The following ANK3 variants were observed in gnomAD, a reference collection of about 807,000 sequenced individuals.
ANK3 encodes the protein ankyrin 3.
In ANK3, 57 loss-of-function variants were observed where a neutral mutation model predicts 370.9. That is an observed-to-expected ratio of 0.15 (90% CI 0.12 to 0.19). The LOEUF (loss-of-function observed/expected upper bound fraction) is 0.19, where lower values mean the gene tolerates loss of function less well. Ranked by LOEUF, ANK3 falls within the 10% of genes least tolerant of loss-of-function variation. ANK3 has a pLI of 1.00. For missense variants in ANK3, 4,439 were observed against 5,302.1 expected (o/e 0.84, Z 5.06); for synonymous variants, 1,929 against 1,946.3 (o/e 0.99, Z 0.23).
chr10:60,483,845 G>A (rs551501196), intron 2 of ANK3, among the ~76,000 whole-genome samples: 1 of 152,224 alleles, frequency 6.6e-6, no homozygotes, highest in East Asian at 1.9e-4. Flanking sequence ...TTTATTCTTA[G>A]GTCACAAAGG....
At chr10:60,482,898 G>C (rs1360246645) in intron 2 of ANK3, among the ~76,000 whole-genome samples, 1 of 152,062 alleles carries the variant, frequency 6.6e-6, no homozygotes, top group Admixed American at 6.6e-5. Context: ...AGAAATAAAA[G>C]ACAACAGATT....
intron 43 of ANK3, among the ~76,000 whole-genome samples, chr10:60,042,282 G>C (rs574613916): frequency 6.6e-6 from 1 of 152,276 alleles, no homozygotes; most frequent in African/African-American, 2.4e-5. Flanking sequence ...TGCTAAAATG[G>C]TGAAAGTCTG....
intron 2 of ANK3, among the ~76,000 whole-genome samples, chr10:60,601,505 C>T (rs2078063768): frequency 6.6e-6 from 1 of 152,006 alleles, no homozygotes; most frequent in Non-Finnish European, 1.5e-5. Flanking sequence ...AAATTTCAGA[C>T]AACCTCAAAT....
intron 7 of ANK3, among the ~76,000 whole-genome samples, chr10:60,236,308 T>G (rs1017762457): frequency 1.3e-5 from 2 of 150,314 alleles, no homozygotes; most frequent in African/African-American, 5.0e-5. Context: ...GTAAAAATAA[T>G]TCCTTTATAG....
chr10:60,263,344 G>A (rs574452831), intron 6 of ANK3, among the ~76,000 whole-genome samples: 19 of 152,260 alleles, frequency 1.2e-4, no homozygotes, highest in African/African-American at 4.1e-4. Context: ...TCACATTTCC[G>A]TCACAGAGAC....
At chr10:60,696,965 C>T (rs61854537) in intron 1 of ANK3, among the ~76,000 whole-genome samples, 24 of 132,230 alleles carry the variant, frequency 1.8e-4, no homozygotes, top group South Asian at 5.2e-4. Flanking sequence ...GTCAAATTGT[C>T]CCTGTTTGCA....
At chr10:60,482,038 G>A (rs907907234) in intron 2 of ANK3, among the ~76,000 whole-genome samples, 2 of 152,152 alleles carry the variant, frequency 1.3e-5, no homozygotes, top group Non-Finnish European at 1.5e-5. Flanking sequence ...TCCTGGCACT[G>A]CTCTCCTTTT....
rs1372513021 is a variant in ANK3 at position 60,388,309 on chromosome 10, T to C, written c.114+1116A>G. 2.6e-5 allele frequency among the ~76,000 whole-genome samples: 4 copies of C among 152,218 alleles called. No individual in the cohort carries two copies. In the East Asian group the frequency reaches 5.8e-4, roughly 22 times the overall value. ...GCAACAAAAGGCAGAGAGTCTTCTA[T>C]AGATCCTAACTCTGAAGAAAATGGC... On this transcript the variant is annotated intron_variant, in intron 1 of 43. Coordinates refer to ENST00000280772, the MANE Select transcript of ANK3 (RefSeq NM_020987.5).
At chr10:60,256,545 T>C (rs1286909067) in intron 7 of ANK3, among the ~76,000 whole-genome samples, 7 of 152,170 alleles carry the variant, frequency 4.6e-5, no homozygotes, top group Admixed American at 3.9e-4. Flanking sequence ...CGTGGGTATA[T>C]TGCATGACAC....
At chr10:60,525,056 C>T (rs570445327) in intron 2 of ANK3, among the ~76,000 whole-genome samples, 22 of 152,166 alleles carry the variant, frequency 1.4e-4, no homozygotes, top group African/African-American at 5.1e-4. Flanking sequence ...CTAATAATTT[C>T]ATCTGACATT....
At chr10:60,432,984 C>T (rs983129035) in intron 2 of ANK3, among the ~76,000 whole-genome samples, 8 of 152,174 alleles carry the variant, frequency 5.3e-5, no homozygotes, top group Non-Finnish European at 1.0e-4. Flanking sequence ...AGGTTGGCCA[C>T]AGCGATAGAG....
At chr10:60,430,972 T>C (rs1381349716) in intron 2 of ANK3, among the ~76,000 whole-genome samples, 1 of 152,238 alleles carries the variant, frequency 6.6e-6, no homozygotes, top group African/African-American at 2.4e-5. Context: ...TGTAAAGCAG[T>C]GGTTCCCAAC....
chr10:60,527,821 T>C (rs1396910065), intron 2 of ANK3, among the ~76,000 whole-genome samples: 2 of 152,118 alleles, frequency 1.3e-5, no homozygotes, highest in Non-Finnish European at 2.9e-5. Flanking sequence ...AGGGAAAAGC[T>C]GATTCAATTC....
At chr10:60,598,422 A>T (rs1365801257) in intron 2 of ANK3, among the ~76,000 whole-genome samples, 1 of 152,194 alleles carries the variant, frequency 6.6e-6, no homozygotes, top group Non-Finnish European at 1.5e-5. Flanking sequence ...TACTTTATCT[A>T]AAAATATTAA....
At chr10:60,467,978 T>TA (rs2065046815) in intron 2 of ANK3, among the ~76,000 whole-genome samples, 1 of 129,418 alleles carries the variant, frequency 7.7e-6, no homozygotes, top group African/African-American at 2.8e-5. Context: ...AAAAAACATA[T>TA]AAAAACTTTT....
chr10:60,570,618 G>A (rs191852380), intron 2 of ANK3, among the ~76,000 whole-genome samples: 18 of 152,258 alleles, frequency 1.2e-4, no homozygotes, highest in Middle Eastern at 3.4e-3. Flanking sequence ...AGAGCTTCAG[G>A]CCCTATGGTC....
intron 1 of ANK3, among the ~76,000 whole-genome samples, chr10:60,319,992 C>T (rs914571636): frequency 4.9e-4 from 74 of 152,294 alleles, no homozygotes; most frequent in African/African-American, 1.7e-3. Flanking sequence ...CCTTCTGTGT[C>T]CCTTCTTCAT....
At chr10:60,713,187 A>C (rs1291424357) in intron 1 of ANK3, among the ~76,000 whole-genome samples, 1 of 152,204 alleles carries the variant, frequency 6.6e-6, no homozygotes, top group Non-Finnish European at 1.5e-5. Context: ...AACATTCCCC[A>C]AAACAGACCA....
chr10:60,180,605 AAAAAAAAACC>A (rs1281025056), intron 18 of ANK3, among the ~76,000 whole-genome samples: 4 of 131,798 alleles, frequency 3.0e-5, no homozygotes, highest in East Asian at 4.3e-4. Flanking sequence ...AAAAAAAAAA[AAAAAAAAACC>A]AAAAAAAAAA....
Sources: gnomAD v4.1 joint callset for allele counts (sites outside exome capture counted in the v4.1 genomes callset) on GRCh38, gnomAD v4.1.1 for gene constraint, MANE v1.5 for transcripts, NCBI Gene and HGNC (gene_info 2026-07-23, HGNC 2026-07-21) for gene names.